The following RAB3C variants were observed in gnomAD, a reference collection of about 807,000 sequenced individuals.
The protein encoded by RAB3C is ras-related protein Rab-3C.
A neutral mutation model predicts 26.4 loss-of-function variants in RAB3C; 17 were observed. The observed-to-expected ratio is 0.64, with a 90% confidence interval of 0.44 to 0.97. RAB3C has a LOEUF of 0.97. Among genes scored for constraint, RAB3C ranks in the 50% least tolerant of loss-of-function variants. The pLI, the probability that RAB3C is intolerant of heterozygous loss-of-function variation, is 0.00. For missense variants in RAB3C, 242 were observed against 281.9 expected (o/e 0.86, Z 1.01); for synonymous variants, 91 against 95.9 (o/e 0.95, Z 0.30).
At chr5:58,682,262 A>G (rs1748359312) in intron 2 of RAB3C, among the ~76,000 whole-genome samples, 2 of 152,224 alleles carry the variant, frequency 1.3e-5, no homozygotes, top group Admixed American at 6.5e-5. Context: ...GTGACTGAAC[A>G]TGAGAGTGGC....
chr5:58,704,504 A>G (rs1000596129), intron 2 of RAB3C, among the ~76,000 whole-genome samples: 11 of 152,312 alleles, frequency 7.2e-5, no homozygotes, highest in African/African-American at 2.6e-4. Flanking sequence ...AGTAATCTAA[A>G]TAGCTGAATA....
intron 3 of RAB3C, among the ~76,000 whole-genome samples, chr5:58,811,459 G>T (rs1321862345): frequency 1.3e-5 from 2 of 151,436 alleles, no homozygotes; most frequent in African/African-American, 4.9e-5. Context: ...AACATTTATT[G>T]AGAGGGGTCA....
intron 3 of RAB3C, among the ~76,000 whole-genome samples, chr5:58,735,874 T>C (rs1741122295): frequency 6.6e-6 from 1 of 152,094 alleles, no homozygotes; most frequent in Non-Finnish European, 1.5e-5. Context: ...ACATTCCTAA[T>C]ACCCAGTACA....
At chr5:58,654,648 T>C (rs1012747448) in intron 2 of RAB3C, among the ~76,000 whole-genome samples, 8 of 149,890 alleles carry the variant, frequency 5.3e-5, no homozygotes, top group African/African-American at 2.0e-4. Context: ...CAAGCAGCAG[T>C]GAAGTCCTTT....
chr5:58,794,226 C>T lies in RAB3C; in HGVS notation c.372-30812C>T, dbSNP rs553520406. 2 of 151,612 alleles carry T rather than the reference C, an allele frequency of 1.3e-5. 1 individual carries two copies. Among genetic ancestry groups the T allele is most frequent in the African/African-American group, 4.8e-5 (2 of 41,254 alleles). 9.4% of individuals were successfully genotyped at this position (151,612 alleles called of 1,614,324 possible). A position where few individuals can be genotyped will look rare whatever the true frequency, so the allele number is the denominator to read the frequency against. Reference sequence around the variant, plus strand: ...GAAGTGTATAAAACTGTTTTCTCTACTTAAATAATGCCCCCCATTTTTTTC... The same window carrying T: ...GAAGTGTATAAAACTGTTTTCTCTATTTAAATAATGCCCCCCATTTTTTTC... On this transcript the variant is annotated intron_variant, in intron 3 of 4. Coordinates refer to ENST00000282878, the MANE Select transcript of RAB3C (RefSeq NM_138453.4).
intron 2 of RAB3C, among the ~76,000 whole-genome samples, chr5:58,621,147 A>G (rs1746928967): frequency 1.3e-5 from 2 of 152,224 alleles, no homozygotes; most frequent in Admixed American, 1.3e-4. Context: ...ATAATTCATT[A>G]AGATCCACAT....
intron 1 of RAB3C, among the ~76,000 whole-genome samples, chr5:58,586,566 T>C (rs1256078618): frequency 6.6e-6 from 1 of 152,158 alleles, no homozygotes; most frequent in Non-Finnish European, 1.5e-5. Flanking sequence ...TCTGGCAGGG[T>C]CACGTACTCT....
chr5:58,821,643 T>C (rs1350119365), intron 3 of RAB3C, among the ~76,000 whole-genome samples: 2 of 152,232 alleles, frequency 1.3e-5, no homozygotes, highest in African/African-American at 4.8e-5. Context: ...AGAAAGGTCG[T>C]ATTGTTCTGA....
chr5:58,742,146 G>A (rs192297048), intron 3 of RAB3C: 220 of 152,270 alleles, frequency 1.4e-3, no homozygotes, highest in African/African-American at 5.1e-3. Context: ...ATGCCTACCT[G>A]TCTCCCCTGG....
chr5:58,673,158 A>G (rs1421686110), intron 2 of RAB3C, among the ~76,000 whole-genome samples: 1 of 152,140 alleles, frequency 6.6e-6, no homozygotes, highest in East Asian at 1.9e-4. Context: ...TGCATGAAGA[A>G]ACCTATTTAG....
At chr5:58,806,543 G>A (rs1169337910) in intron 3 of RAB3C, among the ~76,000 whole-genome samples, 1 of 152,064 alleles carries the variant, frequency 6.6e-6, no homozygotes, top group Non-Finnish European at 1.5e-5. Flanking sequence ...GAAAACCCTT[G>A]GTTCTGTTAG....
chr5:58,597,213 A>AT (rs1385757671), intron 1 of RAB3C, among the ~76,000 whole-genome samples: 60 of 1,156 alleles, frequency 0.052, 1 homozygote, highest in African/African-American at 0.086. Flanking sequence ...ATACTACATA[A>AT]ATATTATATA....
At chr5:58,729,458 G>A (rs549238954) in intron 3 of RAB3C, among the ~76,000 whole-genome samples, 12 of 151,794 alleles carry the variant, frequency 7.9e-5, no homozygotes, top group Non-Finnish European at 1.6e-4. Context: ...CTGTCTCTAC[G>A]ATTTTAACTA....
At chr5:58,664,471 A>C (rs1747965268) in intron 2 of RAB3C, among the ~76,000 whole-genome samples, 1 of 152,134 alleles carries the variant, frequency 6.6e-6, no homozygotes, top group Non-Finnish European at 1.5e-5. Context: ...AGGGGTCAGG[A>C]CAGAGGAGCA....
In RAB3C at chr5:58,617,851, G is replaced by A; in HGVS notation, c.233G>A (p.Arg78Lys). 1.2e-6 allele frequency: 2 copies of A among 1,610,216 alleles called. No individual in the cohort carries two copies. The highest frequency in any genetic ancestry group is 1.7e-6 in the Non-Finnish European group (2 of 1,177,314). ...KVKTVFKNEK[R>K]IKLQIWDTAG... ...AAAACTGTATTCAAAAATGAAAAGA[G>A]AATCAAGCTTCAGATTTGGGTAAGT... Residue 78 changes from arginine to lysine, a missense_variant, in exon 2 of 5, where the codon AGA (arginine) becomes AAA (lysine). Coordinates refer to ENST00000282878, the MANE Select transcript of RAB3C (RefSeq NM_138453.4).
chr5:58,846,922 G>A (rs1258389304), intron 4 of RAB3C: 1 of 152,040 alleles, frequency 6.6e-6, no homozygotes, highest in African/African-American at 2.4e-5. Flanking sequence ...AACATCAGGT[G>A]AACCTGAAGG....
intron 4 of RAB3C, among the ~76,000 whole-genome samples, chr5:58,841,376 C>T (rs1005490082): frequency 6.6e-6 from 1 of 152,164 alleles, no homozygotes; most frequent in Non-Finnish European, 1.5e-5. Context: ...CCAGGCTCTG[C>T]ACAGCTGGGG....
At chr5:58,731,943 T>C (rs993776156) in intron 3 of RAB3C, among the ~76,000 whole-genome samples, 47 of 152,268 alleles carry the variant, frequency 3.1e-4, no homozygotes, top group African/African-American at 1.0e-3. Context: ...ACACAGGTGA[T>C]AGTCCAGAAG....
intron 3 of RAB3C, among the ~76,000 whole-genome samples, chr5:58,776,057 C>G (rs558710261): frequency 6.6e-6 from 1 of 152,228 alleles, no homozygotes; most frequent in African/African-American, 2.4e-5. Context: ...GCTCACTCCA[C>G]CTCTCACCAG....
Sources: gnomAD v4.1 joint callset for allele counts (sites outside exome capture counted in the v4.1 genomes callset) on GRCh38, gnomAD v4.1.1 for gene constraint, MANE v1.5 for transcripts, NCBI Gene and HGNC (gene_info 2026-07-23, HGNC 2026-07-21) for gene names.